The following TCOF1 variants were observed in gnomAD, a reference collection of about 807,000 sequenced individuals.
TCOF1 encodes the protein treacle ribosome biogenesis factor 1, also known as treacle protein.
A neutral mutation model predicts 149.0 loss-of-function variants in TCOF1; 33 were observed. The ratio of observed to expected loss-of-function variants is 0.22; its 90% CI spans 0.17 to 0.30. TCOF1 has a LOEUF of 0.30. TCOF1 is among the 10% of genes least tolerant of loss of function. The pLI, the probability that TCOF1 is intolerant of heterozygous loss-of-function variation, is 1.00. For missense variants in TCOF1, 1,728 were observed against 1,840.7 expected (o/e 0.94, Z 1.12); for synonymous variants, 789 against 738.8 (o/e 1.07, Z -1.10).
chr5:150,398,907 C>T (rs1168682113), intron 25 of TCOF1, 115 bp from the exon 26 acceptor site: 16 of 1,452,438 alleles, frequency 1.1e-5, no homozygotes, highest in Middle Eastern at 1.7e-4. Flanking sequence ...CCTTGGAGGT[C>T]GCTGCAGACC....
Position 150,399,977 on chromosome 5 carries a change from C to G in TCOF1, c.*190C>G, listed in dbSNP as rs1168628966. 6.6e-6 allele frequency: 1 copy of G among 152,430 alleles called. No individual in the cohort carries two copies. The highest frequency in any genetic ancestry group is 6.5e-5 in the Admixed American group (1 of 15,272). 9.4% of individuals were successfully genotyped at this position (152,430 alleles called of 1,614,324 possible). On this transcript the variant is annotated 3_prime_UTR_variant, in exon 27 of 27. Coordinates refer to ENST00000643257, the MANE Select transcript of TCOF1 (RefSeq NM_001371623.1). ...CCAGTGAGCCTGCGGGGAGGCTGGT[C>G]CAAGGAGAAAGTGGACCAGCTCCCA...
Position 150,387,795 on chromosome 5 carries a change from G to A in TCOF1, c.2860-107G>A, listed in dbSNP as rs943176347. The A allele has an allele frequency of 2.0e-6, 3 of 1,501,090 alleles. No homozygotes were observed. The African/African-American group carries it at 4.1e-5, about 21-fold the overall frequency. 93.0% of individuals were successfully genotyped at this position (1,501,090 alleles called of 1,614,324 possible). On this transcript the variant is annotated intron_variant, in intron 17 of 26. Transcript: ENST00000643257. The stretch of plus-strand genomic sequence containing the variant: ...ATGGCTTCTGTGCCCAGCTGCCCCT[G>A]AGCTCAGTGGACCCTTTGCCTTGTA...
intron 17 of TCOF1, chr5:150,384,475 C>T: frequency 1.0e-6 from 1 of 985,476 alleles, no homozygotes; most frequent in Non-Finnish European, 1.2e-6. Context: ...CCCCGACACT[C>T]TCCTCTCCTG....
chr5:150,396,491 G>A lies in TCOF1; in HGVS notation c.3994G>A (p.Val1332Met), dbSNP rs1332934901. The A allele has an allele frequency of 6.2e-7, 1 of 1,613,714 alleles. No homozygotes were observed. The highest frequency in any genetic ancestry group is 8.5e-7 in the Non-Finnish European group (1 of 1,179,900). The change falls in exon 24 of 27, where the codon GTG (valine) becomes ATG (methionine). Residue 1332 changes from valine to methionine, a missense_variant. Physicochemically the swap from Val to Met is conservative, Grantham distance 21. Transcript: ENST00000643257. ...ELLEQERKKV[V>M]DTTKESSRKG... Reference sequence around the variant, plus strand: ...GCTGGAACAGGAAAGAAAGAAGGTGGTGGACACCACCAAGGAGAGCAGCAG... The same window carrying A: ...GCTGGAACAGGAAAGAAAGAAGGTGATGGACACCACCAAGGAGAGCAGCAG...
intron 4 of TCOF1, 168 bp downstream of exon 4, chr5:150,368,085 C>A (rs915516269): frequency 1.2e-5 from 8 of 674,342 alleles, no homozygotes; most frequent in Non-Finnish European, 1.8e-5. Flanking sequence ...CCTCTCTGGG[C>A]CTCAGTTTAC....
chr5:150,371,254 C>T (rs2150601238), intron 6 of TCOF1, among the ~76,000 whole-genome samples: 1 of 152,276 alleles, frequency 6.6e-6, no homozygotes, highest in Non-Finnish European at 1.5e-5. Context: ...CTACCCCAGG[C>T]CTTACCAAGG....
Position 150,376,206 on chromosome 5 carries a change from C to A in TCOF1, c.2018C>A (p.Thr673Asn), listed in dbSNP as rs747266759. ...TQAPRKAGTA[T>N]SPAGSSPAVA... ...GCCCCCCGGAAAGCAGGAACTGCGA[C>A]TTCTCCAGCAGGCTCATCCCCAGCT... is the stretch of plus-strand genomic sequence containing the variant. The change falls in exon 13 of 27, where the codon ACT (threonine) becomes AAT (asparagine). Residue 673 changes from threonine to asparagine, a missense_variant. This residue lies in a region of TCOF1 where 1,696 missense variants were observed against 1,765.4 expected (regional missense o/e 0.96). Coordinates refer to ENST00000643257, the MANE Select transcript of TCOF1 (RefSeq NM_001371623.1). 32 of 1,614,234 alleles carry A rather than the reference C, an allele frequency of 2.0e-5. No individual in the cohort carries two copies. The highest frequency in any genetic ancestry group is 2.6e-5 in the Non-Finnish European group (31 of 1,180,024).
At chr5:150,361,112 C>G in intron 1 of TCOF1, 44 bp from the exon 2 acceptor site, 1 of 1,612,956 alleles carries the variant, frequency 6.2e-7, no homozygotes, top group Non-Finnish European at 8.5e-7. Flanking sequence ...AGGATCCTTA[C>G]TGTGCTGGGG....
chr5:150,396,545 C>T lies in TCOF1; in HGVS notation c.4048C>T (p.Leu1350=), dbSNP rs769893881. The change falls in exon 24 of 27, where the codon CTA becomes TTA. Residue 1350 remains leucine, a synonymous_variant. Coordinates refer to ENST00000643257, the MANE Select transcript of TCOF1 (RefSeq NM_001371623.1). ...RKGWESRKRK[L]SGDQPAARTP... ...GGGCTGGGAGAGCCGCAAGCGGAAG[C>T]TATCGGGAGACCAGCCAGCTGCCAG... is the stretch of plus-strand genomic sequence containing the variant. 6.3e-7 allele frequency: 1 copy of T among 1,595,288 alleles called. No homozygotes were observed. The highest frequency in any genetic ancestry group is 1.3e-5 in the African/African-American group (1 of 74,422).
At chr5:150,392,565 G>A in intron 21 of TCOF1, 140 bp from the exon 22 acceptor site, 1 of 781,566 alleles carries the variant, frequency 1.3e-6, no homozygotes. Context: ...TGTTGAAGCA[G>A]TAGGAAGACT....
intron 18 of TCOF1, 53 bp downstream of exon 18, chr5:150,388,141 T>C (rs1444449341): frequency 6.2e-7 from 1 of 1,608,794 alleles, no homozygotes; most frequent in Non-Finnish European, 8.5e-7. Flanking sequence ...CTGCCCCACA[T>C]TGAGGCCCAG....
intron 25 of TCOF1, among the ~76,000 whole-genome samples, 195 bp downstream of exon 25, chr5:150,398,646 G>A (rs1239711991): frequency 3.3e-5 from 5 of 152,190 alleles, no homozygotes; most frequent in Non-Finnish European, 4.4e-5. Flanking sequence ...GTGGCCTGCC[G>A]GAGGTAGAAG....
At chr5:150,387,716 G>A (rs1027717938) in intron 17 of TCOF1, among the ~76,000 whole-genome samples, 186 bp from the exon 18 acceptor site, 7 of 152,152 alleles carry the variant, frequency 4.6e-5, no homozygotes, top group African/African-American at 1.7e-4. Context: ...GTGAAGTGCT[G>A]TGCTGGGTCT....
chr5:150,376,136 A>G lies in TCOF1; in HGVS notation c.1948A>G (p.Thr650Ala). Residue 650 changes from threonine (T) to alanine (A), a missense_variant, in exon 13 of 27, where the codon ACC becomes GCC. Thr to Ala is a moderately conservative substitution (Grantham distance 58, BLOSUM62 0). This residue lies in a region of TCOF1 where 1,696 missense variants were observed against 1,765.4 expected (regional missense o/e 0.96). Transcript: ENST00000643257. ...CAAGGCCTGCCCAAAGAAAACCAAT[A>G]CCACTGCATCTGCCAAGGTCGCCCC... ...QTKACPKKTN[T>A]TASAKVAPVR... 1.2e-6 allele frequency: 2 copies of G among 1,614,108 alleles called. No individual in the cohort carries two copies. The highest frequency in any genetic ancestry group is 1.7e-6 in the Non-Finnish European group (2 of 1,180,014).
intron 14 of TCOF1, among the ~76,000 whole-genome samples, chr5:150,376,893 C>T (rs1342219293): frequency 1.3e-5 from 2 of 152,186 alleles, no homozygotes; most frequent in African/African-American, 4.8e-5. Context: ...AGGTGCTGCC[C>T]TTGTCTGGGG....
rs115466053 is a variant in TCOF1 at position 150,368,165 on chromosome 5, G to A, written c.378+248G>A. The A allele has an allele frequency of 5.1e-3, 2,602 of 507,568 alleles. 64 individuals are homozygous for A. Among genetic ancestry groups the A allele is most frequent in the African/African-American group, 0.045 (2,350 of 51,826 alleles). The allele number at this position is 507,568 out of a possible 1,614,324, so 31.4% of individuals were successfully genotyped here. On this transcript the variant is annotated intron_variant, in intron 4 of 26. Coordinates refer to ENST00000643257, the MANE Select transcript of TCOF1 (RefSeq NM_001371623.1). ...GGCACATTCTACACCTGGGGTAGGCGATTTCTTTCCTCTTTCATGCCTGCG... is the reference window on the plus strand; with the variant it reads ...GGCACATTCTACACCTGGGGTAGGCAATTTCTTTCCTCTTTCATGCCTGCG...
At chr5:150,384,095 C>T (rs959772481) in intron 17 of TCOF1, 42 of 1,229,862 alleles carry the variant, frequency 3.4e-5, no homozygotes, top group South Asian at 5.6e-5. Flanking sequence ...CAGACCAGAG[C>T]GGTCTCATGA....
At chr5:150,376,400 C>T (rs1356342659) in intron 13 of TCOF1, 23 bp from the exon 14 acceptor site, 1 of 1,614,084 alleles carries the variant, frequency 6.2e-7, no homozygotes, top group African/African-American at 1.3e-5. Context: ...CTGGAGACAC[C>T]TCTCTTCCCC....
chr5:150,380,060 G>T, intron 17 of TCOF1: 1 of 216,662 alleles, frequency 4.6e-6, no homozygotes, highest in Non-Finnish European at 9.3e-6. Context: ...TGATGAGAGT[G>T]AGACTGTCTC....
Sources: gnomAD v4.1 joint callset for allele counts (sites outside exome capture counted in the v4.1 genomes callset) on GRCh38, gnomAD v4.1.1 for gene constraint, gnomAD v4.1.1 regional missense constraint, MANE v1.5 for transcripts, NCBI Gene and HGNC (gene_info 2026-07-23, HGNC 2026-07-21) for gene names.